Variants in ROBO1 observed in about 807,000 individuals in gnomAD.
ROBO1 encodes the protein roundabout homolog 1.
In ROBO1, 149 loss-of-function variants were observed where a neutral mutation model predicts 195.9. That is an observed-to-expected ratio of 0.76 (90% CI 0.67 to 0.87). The LOEUF (loss-of-function observed/expected upper bound fraction) is 0.87. Among genes scored for constraint, ROBO1 ranks in the 40% least tolerant of loss-of-function variants. ROBO1 has a pLI of 0.00. For missense variants in ROBO1, 1,933 were observed against 2,068.3 expected (o/e 0.93, Z 1.27); for synonymous variants, 816 against 733.2 (o/e 1.11, Z -1.82).
At chr3:79,572,474 T>C (rs1943311122) in intron 2 of ROBO1, among the ~76,000 whole-genome samples, 4 of 152,182 alleles carry the variant, frequency 2.6e-5, no homozygotes, top group Admixed American at 2.6e-4. Context: ...AGAGAAGGTG[T>C]GTTTAGGTAA....
At chr3:78,925,682 C>T (rs1278195371) in intron 4 of ROBO1, among the ~76,000 whole-genome samples, 2 of 152,054 alleles carry the variant, frequency 1.3e-5, no homozygotes, top group Non-Finnish European at 2.9e-5. Flanking sequence ...GTATACACAG[C>T]GGTGAGAAGT....
chr3:79,188,371 T>G (rs2081478772), intron 2 of ROBO1, among the ~76,000 whole-genome samples: 1 of 151,850 alleles, frequency 6.6e-6, no homozygotes, highest in South Asian at 2.1e-4. Context: ...ACTTTTTTAT[T>G]TTTTGTTACT....
At chr3:78,841,225 C>A (rs2033178564) in intron 4 of ROBO1, among the ~76,000 whole-genome samples, 1 of 151,962 alleles carries the variant, frequency 6.6e-6, no homozygotes, top group African/African-American at 2.4e-5. Flanking sequence ...CCAGGTAAAA[C>A]TAAATTACTG....
At chr3:78,831,143 C>T (rs1395529589) in intron 4 of ROBO1, among the ~76,000 whole-genome samples, 5 of 151,996 alleles carry the variant, frequency 3.3e-5, no homozygotes. Flanking sequence ...GAACTCCTGA[C>T]CTCGTGATCC....
chr3:79,431,948 C>A (rs1382130780), intron 2 of ROBO1, among the ~76,000 whole-genome samples: 3 of 151,908 alleles, frequency 2.0e-5, no homozygotes, highest in Admixed American at 6.6e-5. Flanking sequence ...GAAAAGGTGC[C>A]ATTTTTGAAT....
chr3:79,045,952 C>A (rs2078582874), intron 3 of ROBO1, among the ~76,000 whole-genome samples: 1 of 152,224 alleles, frequency 6.6e-6, no homozygotes, highest in South Asian at 2.1e-4. Flanking sequence ...TTAAAGTCAG[C>A]ATTTCTTCCA....
rs1270531393 is a variant in ROBO1, at chr3:79,653,424, T to C, written c.-50-63463A>G. 2.0e-5 allele frequency among the ~76,000 whole-genome samples: 3 copies of C among 152,072 alleles called. No homozygotes were observed. In the East Asian group the frequency reaches 5.8e-4, roughly 29 times the overall value. ...AAACCTCTCTCATATTTCACTGCCT[T>C]TTACTTCGAATAATAAAATGTTAAT... On this transcript the variant is annotated intron_variant, in intron 1 of 30. Transcript: ENST00000464233.
At chr3:79,174,012 C>A (rs909947094) in intron 2 of ROBO1, among the ~76,000 whole-genome samples, 16 of 152,002 alleles carry the variant, frequency 1.1e-4, no homozygotes, top group Non-Finnish European at 1.8e-4. Flanking sequence ...CCAATCAGTG[C>A]CCTGTCAAAA....
intron 8 of ROBO1, among the ~76,000 whole-genome samples, chr3:78,691,582 G>A (rs116706322): frequency 0.011 from 1,705 of 152,152 alleles, 13 homozygotes; most frequent in Non-Finnish European, 0.017. Flanking sequence ...CTTCTGACAA[G>A]CATAATCAAA....
chr3:79,138,546 C>T (rs2080461169), intron 2 of ROBO1, among the ~76,000 whole-genome samples: 1 of 151,928 alleles, frequency 6.6e-6, no homozygotes, highest in Admixed American at 6.6e-5. Flanking sequence ...TAACATATTA[C>T]TTCCTTTTTC....
intron 4 of ROBO1, among the ~76,000 whole-genome samples, chr3:78,833,248 C>T: frequency 6.6e-6 from 1 of 152,046 alleles, no homozygotes. Context: ...ATTCATAAAA[C>T]TAGTTCATAA....
At chr3:79,320,864 AT>A (rs1213981061) in intron 2 of ROBO1, among the ~76,000 whole-genome samples, 1 of 152,194 alleles carries the variant, frequency 6.6e-6, no homozygotes, top group Non-Finnish European at 1.5e-5. Flanking sequence ...TTTAATCTTT[AT>A]AAAATTTAAG....
chr3:78,626,682 A>G (rs1390991802), intron 26 of ROBO1, among the ~76,000 whole-genome samples: 4 of 152,260 alleles, frequency 2.6e-5, no homozygotes, highest in South Asian at 2.1e-4. Flanking sequence ...GCCATTGTAT[A>G]TAACAAATAC....
intron 3 of ROBO1, among the ~76,000 whole-genome samples, chr3:79,082,784 T>C (rs1278470089): frequency 6.6e-6 from 1 of 152,124 alleles, no homozygotes; most frequent in Non-Finnish European, 1.5e-5. Flanking sequence ...TTGTATGGTA[T>C]GGAGAGAGGC....
intron 8 of ROBO1, among the ~76,000 whole-genome samples, chr3:78,697,045 G>GAC (rs10663468): frequency 0.24 from 35,446 of 146,318 alleles, 4,204 homozygotes; most frequent in African/African-American, 0.3. Flanking sequence ...GTCACACACA[G>GAC]ACACACACAC....
intron 1 of ROBO1, among the ~76,000 whole-genome samples, chr3:79,695,288 C>G (rs980426188): frequency 4.0e-5 from 6 of 151,514 alleles, no homozygotes; most frequent in African/African-American, 1.5e-4. Context: ...TGTTCTGGTA[C>G]TAATTACTTA....
chr3:78,837,764 T>C (rs947922905), intron 4 of ROBO1, among the ~76,000 whole-genome samples: 1 of 151,744 alleles, frequency 6.6e-6, no homozygotes, highest in East Asian at 1.9e-4. Flanking sequence ...CCATGAAAAA[T>C]ATAAAGTATA....
In ROBO1 at chr3:78,961,758, C is replaced by T. The variant is rs117372472; in HGVS notation, c.173-22831G>A. Among the ~76,000 whole-genome samples the T allele has an allele frequency of 1.4e-3, 210 of 152,232 alleles. 2 individuals carry two copies. The East Asian group carries it at 0.032, about 23-fold the overall frequency. On this transcript the variant is annotated intron_variant, in intron 3 of 30. Transcript: ENST00000464233. ...AAAATAGTGCAATGGTGTAAGAATT[C>T]ACCTTGTACAAGAATGTACTGCATA...
chr3:79,464,201 C>T (rs1426120980), intron 2 of ROBO1, among the ~76,000 whole-genome samples: 1 of 152,094 alleles, frequency 6.6e-6, no homozygotes, highest in Non-Finnish European at 1.5e-5. Context: ...CACTTTTTGA[C>T]TATTATGAAT....
Sources: gnomAD v4.1 joint callset for allele counts (sites outside exome capture counted in the v4.1 genomes callset) on GRCh38, gnomAD v4.1.1 for gene constraint, MANE v1.5 for transcripts, NCBI Gene and HGNC (gene_info 2026-07-23, HGNC 2026-07-21) for gene names.